The following MAN1A2 variants were observed in gnomAD, a reference collection of about 807,000 sequenced individuals.
The protein encoded by MAN1A2 is mannosyl-oligosaccharide 1,2-alpha-mannosidase IB.
MAN1A2 carries 26 observed loss-of-function variants against 75.7 expected under a neutral mutation model. The observed-to-expected ratio is 0.34, with a 90% CI of 0.25 to 0.48. MAN1A2 has a LOEUF of 0.48. Among genes scored for constraint, MAN1A2 ranks in the 20% least tolerant of loss-of-function variants. The probability of loss-of-function intolerance (pLI) is 0.99; values close to 1 mark genes in which losing one functional copy is unlikely to be tolerated. For missense variants in MAN1A2, 562 were observed against 775.5 expected (o/e 0.72, Z 3.27); for synonymous variants, 247 against 264.6 (o/e 0.93, Z 0.65).
chr1:117,492,853 A>G (rs1479607669), intron 8 of MAN1A2, among the ~76,000 whole-genome samples: 1 of 152,038 alleles, frequency 6.6e-6, no homozygotes, highest in Non-Finnish European at 1.5e-5. Context: ...ATTCTGGAAA[A>G]GTTTGGCTCT....
intron 1 of MAN1A2, among the ~76,000 whole-genome samples, chr1:117,381,613 CTT>C (rs1653337901): frequency 6.6e-6 from 1 of 152,096 alleles, no homozygotes; most frequent in Non-Finnish European, 1.5e-5. Context: ...GGTTCCAAGT[CTT>C]TGCTATTGTG....
chr1:117,432,165 A>G (rs111341861), intron 5 of MAN1A2, among the ~76,000 whole-genome samples: 1 of 152,246 alleles, frequency 6.6e-6, no homozygotes, highest in Non-Finnish European at 1.5e-5. Context: ...AGCTAAATTG[A>G]TCAAGAAATA....
At chr1:117,426,369 G>A (rs1283142907) in intron 5 of MAN1A2, among the ~76,000 whole-genome samples, 1 of 152,014 alleles carries the variant, frequency 6.6e-6, no homozygotes, top group African/African-American at 2.4e-5. Context: ...AGCTGCTGGG[G>A]TCTGTGGGTT....
chr1:117,402,546 G>A, intron 2 of MAN1A2, 105 bp downstream of exon 2: 1 of 1,104,894 alleles, frequency 9.1e-7, no homozygotes. Context: ...TTATTCTTGG[G>A]TCATAGTTGT....
chr1:117,517,592 A>C lies in MAN1A2; in HGVS notation c.1794-5233A>C, dbSNP rs543500362. ...GCAATGAAACTATCCAAAATGAAAC[A>C]AGAGCAAAAAATAAGAATCTTATAA... is the stretch of plus-strand genomic sequence containing the variant. On this transcript the variant is annotated intron_variant, in intron 12 of 12. Coordinates refer to ENST00000356554, the MANE Select transcript of MAN1A2 (RefSeq NM_006699.5). Among the ~76,000 whole-genome samples the C allele has an allele frequency of 2.1e-4, 32 of 152,184 alleles. 1 individual carries two copies. The South Asian group carries it at 6.4e-3, about 31-fold the overall frequency.
intron 4 of MAN1A2, among the ~76,000 whole-genome samples, chr1:117,417,975 G>A (rs1319185383): frequency 6.6e-6 from 1 of 151,916 alleles, no homozygotes; most frequent in Non-Finnish European, 1.5e-5. Context: ...GAGCCCAGGA[G>A]GTTGAGGCTA....
At chr1:117,520,988 GA>G (rs1651853479) in intron 12 of MAN1A2, among the ~76,000 whole-genome samples, 1 of 152,022 alleles carries the variant, frequency 6.6e-6, no homozygotes, top group Non-Finnish European at 1.5e-5. Flanking sequence ...CAATGGAACA[GA>G]ACAGAGAACC....
intron 7 of MAN1A2, among the ~76,000 whole-genome samples, chr1:117,462,641 T>C (rs995774928): frequency 5.3e-5 from 8 of 152,170 alleles, no homozygotes; most frequent in Non-Finnish European, 1.5e-5. Flanking sequence ...GTAAAGCTTC[T>C]AGAAGCTGTC....
intron 5 of MAN1A2, among the ~76,000 whole-genome samples, chr1:117,431,100 G>A (rs1648627775): frequency 7.2e-6 from 1 of 138,362 alleles, no homozygotes; most frequent in Non-Finnish European, 1.6e-5. Context: ...TCGGCAGACT[G>A]AGGCAGGAGA....
intron 6 of MAN1A2, among the ~76,000 whole-genome samples, chr1:117,450,564 G>A (rs1649377508): frequency 6.6e-6 from 1 of 152,164 alleles, no homozygotes; most frequent in African/African-American, 2.4e-5. Context: ...GCATGTCAGA[G>A]GTCTTCATGG....
intron 1 of MAN1A2, among the ~76,000 whole-genome samples, chr1:117,369,494 A>G (rs764974291): frequency 3.9e-5 from 6 of 152,190 alleles, no homozygotes; most frequent in Admixed American, 2.6e-4. Context: ...GCACCGAAAA[A>G]GCTTAGGTTC....
Position 117,436,715 on chromosome 1 carries a change from G to C in MAN1A2, c.856-5516G>C, listed in dbSNP as rs532676629. ...GTGTTCTCCTATAATGTAACCCACT[G>C]TGTGTACAGGCATTCATCATGGGCC... On this transcript the variant is annotated intron_variant, in intron 5 of 12. Transcript: ENST00000356554. Among the ~76,000 whole-genome samples, 10 of 152,314 alleles carry C rather than the reference G, an allele frequency of 6.6e-5. No individual in the cohort carries two copies. In the South Asian group the frequency reaches 2.1e-3, roughly 32 times the overall value.
intron 12 of MAN1A2, among the ~76,000 whole-genome samples, chr1:117,508,102 A>T (rs1050337214): frequency 2.0e-5 from 3 of 151,688 alleles, no homozygotes; most frequent in Admixed American, 1.3e-4. Context: ...GGTGTGTATT[A>T]TTTTATATAT....
intron 12 of MAN1A2, among the ~76,000 whole-genome samples, chr1:117,512,546 T>C (rs1184512149): frequency 6.6e-6 from 1 of 152,146 alleles, no homozygotes; most frequent in East Asian, 1.9e-4. Flanking sequence ...AAAACACTTA[T>C]GGAGACAATT....
At chr1:117,412,199 T>C (rs1290158360) in intron 3 of MAN1A2, among the ~76,000 whole-genome samples, 1 of 151,826 alleles carries the variant, frequency 6.6e-6, no homozygotes, top group Non-Finnish European at 1.5e-5. Flanking sequence ...TTTTATTTCC[T>C]GTGTTTTTCG....
At chr1:117,514,629 ACT>A (rs1651655534) in intron 12 of MAN1A2, among the ~76,000 whole-genome samples, 1 of 152,116 alleles carries the variant, frequency 6.6e-6, no homozygotes, top group Admixed American at 6.6e-5. Context: ...TTCAGAGACA[ACT>A]CTGTTAGTGG....
intron 1 of MAN1A2, among the ~76,000 whole-genome samples, chr1:117,375,505 A>C (rs1401154523): frequency 6.6e-6 from 1 of 152,194 alleles, no homozygotes; most frequent in Non-Finnish European, 1.5e-5. Flanking sequence ...CTTTTTAAAA[A>C]AATATTTATA....
chr1:117,451,637 C>CA (rs1449690757), intron 6 of MAN1A2, among the ~76,000 whole-genome samples: 3 of 152,160 alleles, frequency 2.0e-5, no homozygotes, highest in African/African-American at 7.2e-5. Context: ...GAATAAGTCT[C>CA]ACGAGATCTG....
intron 5 of MAN1A2, among the ~76,000 whole-genome samples, chr1:117,436,202 T>C (rs1239088431): frequency 1.3e-5 from 2 of 152,202 alleles, no homozygotes; most frequent in African/African-American, 2.4e-5. Flanking sequence ...TTAAAAAGAA[T>C]ACTCTGTAGG....
Sources: gnomAD v4.1 joint callset for allele counts (sites outside exome capture counted in the v4.1 genomes callset) on GRCh38, gnomAD v4.1.1 for gene constraint, MANE v1.5 for transcripts, NCBI Gene and HGNC (gene_info 2026-07-23, HGNC 2026-07-21) for gene names.